ANK3: variants seen among roughly 807,000 people sequenced by gnomAD.
The protein encoded by ANK3 is ankyrin 3.
ANK3 carries 57 observed loss-of-function variants against 370.9 expected under a neutral mutation model. The ratio of observed to expected loss-of-function variants is 0.15; its 90% CI spans 0.12 to 0.19. ANK3 has a LOEUF of 0.19. Ranked by LOEUF, ANK3 falls within the 10% of genes least tolerant of loss-of-function variation. The probability of loss-of-function intolerance (pLI) is 1.00; values close to 1 mark genes in which losing one functional copy is unlikely to be tolerated. For missense variants in ANK3, 4,439 were observed against 5,302.1 expected, an observed-to-expected ratio of 0.84 and a Z score of 5.06; for synonymous variants, 1,929 against 1,946.3, an observed-to-expected ratio of 0.99 and a Z score of 0.23.
At chr10:60,693,256 G>A (rs1256138139) in intron 1 of ANK3, among the ~76,000 whole-genome samples, 1 of 152,232 alleles carries the variant, frequency 6.6e-6, no homozygotes, top group Non-Finnish European at 1.5e-5. Context: ...AGGGTCCTAA[G>A]CCCACGGAGT....
Position 60,434,312 on chromosome 10 carries a change from G to A in ANK3, c.97-154673C>T, listed in dbSNP as rs559046338. ...TTAATGGCCCTATAGCATAGCCCAT[G>A]TTTTCAATATTCAGAAGGAATATAG... On this transcript the variant is annotated intron_variant, in intron 2 of 43. Transcript: ENST00000373827. Among the ~76,000 whole-genome samples the A allele has an allele frequency of 2.0e-5, 3 of 152,232 alleles. No homozygotes were observed. The South Asian group carries it at 6.2e-4, about 32-fold the overall frequency.
rs966074903 is a variant in ANK3, at chr10:60,069,620, C to T, written c.11261G>A (p.Gly3754Glu). Reference sequence around the variant, plus strand: ...CATTGTTATAGTTTCATTTTCTAATCCCTGACAACTGGTCATCACCGCTTC... The same window carrying T: ...CATTGTTATAGTTTCATTTTCTAATTCCTGACAACTGGTCATCACCGCTTC... Reference protein sequence around the residue: ...KIEAVMTSCQGLENETITMIS... With the variant: ...KIEAVMTSCQELENETITMIS... The change falls in exon 37 of 44, where the codon GGA (glycine) becomes GAA (glutamate). Residue 3754 changes from glycine to glutamate, a missense_variant. Gly to Glu is a moderately conservative substitution (Grantham distance 98). Coordinates refer to ENST00000280772, the MANE Select transcript of ANK3 (RefSeq NM_020987.5). 1.2e-6 allele frequency: 2 copies of T among 1,614,022 alleles called. No homozygotes were observed. The highest frequency in any genetic ancestry group is 8.5e-7 in the Non-Finnish European group (1 of 1,180,024).
rs1236475674 is a variant in ANK3 at position 60,075,819 on chromosome 10, C to T, written c.5062G>A (p.Val1688Ile). ...ATTGTAATTTTGGCTGATGAAATGA[C>T]ATCAACTGCTGATTTAACTGGAGAC... is the stretch of plus-strand genomic sequence containing the variant. The part of the protein sequence containing the change: ...VVSPVKSAVD[V>I]ISSAKITMAS... Residue 1688 changes from valine to isoleucine, a missense_variant, in exon 37 of 44, where the codon GTC becomes ATC. Val to Ile is a conservative substitution (Grantham distance 29). This residue lies in a region of ANK3 where 679 missense variants were observed against 791.0 expected (regional missense o/e 0.86). Coordinates refer to ENST00000280772, the MANE Select transcript of ANK3 (RefSeq NM_020987.5). 6.2e-7 allele frequency: 1 copy of T among 1,614,160 alleles called. No homozygotes were observed. Among genetic ancestry groups the T allele is most frequent in the East Asian group, 2.2e-5 (1 of 44,884 alleles).
intron 1 of ANK3, among the ~76,000 whole-genome samples, chr10:60,625,195 G>A (rs751070025): frequency 2.6e-5 from 4 of 152,070 alleles, no homozygotes; most frequent in Non-Finnish European, 5.9e-5. Flanking sequence ...GGAACACCGA[G>A]GCACCAGACT....
At chr10:60,520,249 T>G (rs1046824100) in intron 2 of ANK3, among the ~76,000 whole-genome samples, 2 of 151,952 alleles carry the variant, frequency 1.3e-5, no homozygotes, top group African/African-American at 2.4e-5. Flanking sequence ...GACACAAAGA[T>G]GGGAACAATA....
chr10:60,420,640 A>T (rs1204086051), intron 2 of ANK3, among the ~76,000 whole-genome samples: 4 of 152,152 alleles, frequency 2.6e-5, no homozygotes, highest in Non-Finnish European at 5.9e-5. Context: ...AGTCTGTGTC[A>T]AAATGAACCA....
chr10:60,266,130 G>A (rs1390975992), intron 5 of ANK3, among the ~76,000 whole-genome samples: 2 of 152,002 alleles, frequency 1.3e-5, no homozygotes, highest in African/African-American at 4.8e-5. Context: ...CCTTAAGAAA[G>A]ATAACAAACA....
intron 5 of ANK3, among the ~76,000 whole-genome samples, chr10:60,267,139 T>C (rs966170174): frequency 6.6e-6 from 1 of 152,178 alleles, no homozygotes; most frequent in Non-Finnish European, 1.5e-5. Flanking sequence ...CAATATCCCA[T>C]CGTGTAGTGA....
chr10:60,688,859 A>T (rs1262424169), intron 1 of ANK3, among the ~76,000 whole-genome samples: 8 of 152,022 alleles, frequency 5.3e-5, no homozygotes, highest in Admixed American at 5.2e-4. Context: ...GAGGCAGGAG[A>T]ATCACTTGAA....
intron 9 of ANK3, among the ~76,000 whole-genome samples, chr10:60,211,681 A>G (rs934879995): frequency 2.0e-5 from 3 of 152,100 alleles, no homozygotes; most frequent in African/African-American, 7.2e-5. Flanking sequence ...GTATTCACAC[A>G]TGTGTGCACT....
intron 17 of ANK3, among the ~76,000 whole-genome samples, chr10:60,184,620 C>T (rs546450099): frequency 6.6e-6 from 1 of 152,246 alleles, no homozygotes; most frequent in South Asian, 2.1e-4. Flanking sequence ...TGCTATATGT[C>T]TTTGAGTCTT....
At chr10:60,256,466 C>G (rs1377235815) in intron 7 of ANK3, among the ~76,000 whole-genome samples, 1 of 152,152 alleles carries the variant, frequency 6.6e-6, no homozygotes. Context: ...CAGGTTTGGA[C>G]AGAACATAAT....
chr10:60,217,594 T>C lies in ANK3; in HGVS notation c.898-4084A>G, dbSNP rs530656613. 1.6e-4 allele frequency among the ~76,000 whole-genome samples: 24 copies of C among 152,314 alleles called. No individual in the cohort carries two copies. The South Asian group carries it at 2.3e-3, about 14-fold the overall frequency. On this transcript the variant is annotated intron_variant, in intron 8 of 43. Transcript: ENST00000280772. ...TTTCAGCGAGTTTCTTAATCCTGAG[T>C]TCTAATTTGATTGCACTGTGGTCTG...
intron 2 of ANK3, among the ~76,000 whole-genome samples, chr10:60,431,419 G>A (rs1325102831): frequency 6.6e-6 from 1 of 152,198 alleles, no homozygotes; most frequent in East Asian, 1.9e-4. Flanking sequence ...GAGAGCGGCT[G>A]TAAATACAGA....
At chr10:60,176,751 C>G (rs2095973862) in intron 18 of ANK3, among the ~76,000 whole-genome samples, 1 of 151,808 alleles carries the variant, frequency 6.6e-6, no homozygotes, top group Non-Finnish European at 1.5e-5. Context: ...AAGAGCGAAA[C>G]TTCGTCTCAA....
chr10:60,352,256 A>G (rs1011869940), intron 1 of ANK3, among the ~76,000 whole-genome samples: 1 of 152,194 alleles, frequency 6.6e-6, no homozygotes, highest in South Asian at 2.1e-4. Context: ...TGATCACGCC[A>G]CTGTACTCCA....
chr10:60,729,001 T>C (rs1589087338), intron 1 of ANK3, among the ~76,000 whole-genome samples: 1 of 152,218 alleles, frequency 6.6e-6, no homozygotes, highest in East Asian at 1.9e-4. Context: ...TTCTCTATCT[T>C]GGATTATATA....
At chr10:60,615,976 A>C (rs941720925) in intron 1 of ANK3, among the ~76,000 whole-genome samples, 52 of 152,316 alleles carry the variant, frequency 3.4e-4, no homozygotes, top group Middle Eastern at 3.4e-3. Flanking sequence ...ACTGGTACTG[A>C]AGTTTAAATA....
At chr10:60,581,288 C>T (rs533751193) in intron 2 of ANK3, among the ~76,000 whole-genome samples, 5 of 152,240 alleles carry the variant, frequency 3.3e-5, no homozygotes, top group African/African-American at 9.6e-5. Flanking sequence ...ATTTCTCGCA[C>T]ACCACCAAAA....
Sources: gnomAD v4.1 joint callset for allele counts (sites outside exome capture counted in the v4.1 genomes callset) on GRCh38, gnomAD v4.1.1 for gene constraint, gnomAD v4.1.1 regional missense constraint, MANE v1.5 for transcripts, NCBI Gene and HGNC (gene_info 2026-07-23, HGNC 2026-07-21) for gene names.